DGKG: variants seen among roughly 807,000 people sequenced by gnomAD.
The protein encoded by DGKG is DAG kinase gamma.
A neutral mutation model predicts 105.3 loss-of-function variants in DGKG; 78 were observed. That is an observed-to-expected ratio of 0.74 (90% CI 0.62 to 0.89). The LOEUF is 0.89. Ranked by LOEUF, DGKG falls within the 40% of genes least tolerant of loss-of-function variation. DGKG has a pLI of 0.00. For synonymous variants in DGKG, 346 were observed against 367.1 expected, an observed-to-expected ratio of 0.94 and a Z score of 0.66; for missense variants, 958 against 1,020.1, an observed-to-expected ratio of 0.94 and a Z score of 0.83.
rs972259872 is a variant in DGKG at position 186,150,057 on chromosome 3, C to A, written c.*33G>T. On this transcript the variant is annotated 3_prime_UTR_variant, in exon 25 of 25. Coordinates refer to ENST00000265022, the MANE Select transcript of DGKG (RefSeq NM_001346.3). ...AGTGTGCATTATAGTTTCTTGCTTT[C>A]TCTCTTGGTTTAGCTGGTGTTTGGC... The A allele has an allele frequency of 2.5e-6, 4 of 1,593,912 alleles. No homozygotes were observed. The highest frequency in any genetic ancestry group is 1.4e-5 in the African/African-American group (1 of 73,608).
At chr3:186,263,421 G>T (rs1989341) in intron 14 of DGKG, among the ~76,000 whole-genome samples, 63,913 of 151,466 alleles carry the variant, frequency 0.42, 14,830 homozygotes, top group East Asian at 0.59. Flanking sequence ...ACAAAAATTA[G>T]CCGGGTGTAG....
In DGKG at chr3:186,284,841, C is replaced by G. The variant is rs1560133612; in HGVS notation, c.545-132G>C. 2 of 719,742 alleles carry G rather than the reference C, an allele frequency of 2.8e-6. No individual in the cohort carries two copies. The highest frequency in any genetic ancestry group is 4.8e-6 in the Non-Finnish European group (2 of 413,574). 44.6% of individuals were successfully genotyped at this position (719,742 alleles called of 1,614,324 possible). A position where few individuals can be genotyped will look rare whatever the true frequency, so the allele number is the denominator to read the frequency against. On this transcript the variant is annotated intron_variant, in intron 6 of 24. Transcript: ENST00000265022. This position sits in a 1 kb window ranked among gnomAD's most constrained non-coding sequence, Gnocchi z 4.0. ...AAGGTTATGGCAGCCAGCTCTCCCT[C>G]CCTCTGAGCACAGAGTCTGACTTCC...
intron 20 of DGKG, among the ~76,000 whole-genome samples, chr3:186,238,016 G>A (rs1720497041): frequency 1.3e-5 from 2 of 152,156 alleles, no homozygotes; most frequent in Admixed American, 6.5e-5. Flanking sequence ...AATTTGGCCA[G>A]GAGTGGTGGC....
intron 1 of DGKG, among the ~76,000 whole-genome samples, chr3:186,360,898 C>T (rs147919696): frequency 6.6e-6 from 1 of 152,250 alleles, no homozygotes; most frequent in Non-Finnish European, 1.5e-5. Context: ...CCCTCCCAGG[C>T]CCTCCTCCCC....
At chr3:186,223,433 C>A (rs958467129) in intron 20 of DGKG, among the ~76,000 whole-genome samples, 1 of 152,112 alleles carries the variant, frequency 6.6e-6, no homozygotes, top group Non-Finnish European at 1.5e-5. Flanking sequence ...TCCCCACCAT[C>A]GGCTGGTTAG....
chr3:186,335,780 G>C (rs915543675), intron 1 of DGKG, among the ~76,000 whole-genome samples: 3 of 152,062 alleles, frequency 2.0e-5, no homozygotes, highest in African/African-American at 7.2e-5. Context: ...AGTAATAACA[G>C]TATCACTTTC....
intron 5 of DGKG, among the ~76,000 whole-genome samples, chr3:186,292,759 G>A (rs886075677): frequency 2.0e-5 from 3 of 151,770 alleles, no homozygotes; most frequent in Non-Finnish European, 2.9e-5. Flanking sequence ...AGTGAACTGC[G>A]ATCGTGCCAC....
intron 4 of DGKG, 31 bp from the exon 5 acceptor site, chr3:186,297,514 A>G (rs3819859): frequency 0.58 from 891,748 of 1,528,430 alleles, 261,682 homozygotes; most frequent in Non-Finnish European, 0.6. Flanking sequence ...TTAAAGACCA[A>G]CCCAGGCCCT....
intron 24 of DGKG, chr3:186,161,068 A>G: frequency 1.0e-6 from 1 of 986,610 alleles, no homozygotes; most frequent in Non-Finnish European, 1.2e-6. Flanking sequence ...GGAATTTTCA[A>G]GTAGGTTATC....
chr3:186,162,345 G>A (rs1716335060), intron 23 of DGKG, among the ~76,000 whole-genome samples: 1 of 152,250 alleles, frequency 6.6e-6, no homozygotes, highest in African/African-American at 2.4e-5. Flanking sequence ...CACTGAGCAG[G>A]TGCTCCTCAA....
intron 8 of DGKG, 47 bp from the exon 9 acceptor site, chr3:186,280,020 G>A: frequency 1.2e-6 from 2 of 1,609,250 alleles, no homozygotes; most frequent in Non-Finnish European, 1.7e-6. Context: ...TCATCGACAT[G>A]TCTACCTGCC....
intron 1 of DGKG, among the ~76,000 whole-genome samples, chr3:186,357,673 A>G (rs980641553): frequency 6.6e-6 from 1 of 152,192 alleles, no homozygotes; most frequent in African/African-American, 2.4e-5. Flanking sequence ...TAATATTACC[A>G]CAACATTTAC....
intron 17 of DGKG, among the ~76,000 whole-genome samples, chr3:186,253,999 C>T (rs1235142799): frequency 6.6e-6 from 1 of 152,202 alleles, no homozygotes; most frequent in Non-Finnish European, 1.5e-5. Flanking sequence ...GACACAGATT[C>T]CTAATTATTC....
At position 186,176,497 on chromosome 3, in the gene DGKG, C is replaced by T. The variant is rs537281046; in HGVS notation, c.2096-11479G>A. Among the ~76,000 whole-genome samples the T allele has an allele frequency of 1.5e-3, 225 of 152,196 alleles. 1 individual carries two copies. Among genetic ancestry groups the T allele is most frequent in the Admixed American group, 3.1e-3 (48 of 15,286 alleles). The stretch of plus-strand genomic sequence containing the variant: ...GAAAGACAAAGTTGGAGGAGAGTCA[C>T]GACAGGGAGGGCCTTATTCTGGTGG... On this transcript the variant is annotated intron_variant, in intron 22 of 24. Transcript: ENST00000265022.
rs2108555167 is a variant in DGKG at position 186,244,815 on chromosome 3, G to T, written c.1762-2247C>A. 1.4e-5 allele frequency among the ~76,000 whole-genome samples: 2 copies of T among 148,084 alleles called. 1 individual carries two copies. The highest frequency in any genetic ancestry group is 1.3e-4 in the Admixed American group (2 of 15,172). The stretch of plus-strand genomic sequence containing the variant: ...CCCCAGAGAGGCCTCTGTCCCTGAG[G>T]CCTATCCAGCCTGCACCGCTTCCCT... On this transcript the variant is annotated intron_variant, in intron 19 of 24. Transcript: ENST00000265022.
intron 20 of DGKG, among the ~76,000 whole-genome samples, chr3:186,230,739 G>A (rs1720113679): frequency 6.6e-6 from 1 of 152,126 alleles, no homozygotes; most frequent in South Asian, 2.1e-4. Flanking sequence ...GGGACCAACT[G>A]GGAAGTGAGG....
At chr3:186,315,218 T>G (rs931783880) in intron 2 of DGKG, among the ~76,000 whole-genome samples, 2 of 152,222 alleles carry the variant, frequency 1.3e-5, no homozygotes, top group Admixed American at 1.3e-4. Flanking sequence ...GATTCCATCT[T>G]GGGCAGATTT....
intron 21 of DGKG, among the ~76,000 whole-genome samples, chr3:186,202,970 G>C (rs1359249473): frequency 6.6e-6 from 1 of 152,110 alleles, no homozygotes; most frequent in African/African-American, 2.4e-5. Context: ...AAGAACAAAA[G>C]AAATGGAAAA....
At position 186,288,802 on chromosome 3, in the gene DGKG, G is replaced by A. The variant is rs1358054415; in HGVS notation, c.452C>T (p.Ser151Phe). Residue 151 changes from serine to phenylalanine, a missense_variant, in exon 6 of 25, where the codon TCT (serine) becomes TTT (phenylalanine). By Grantham distance (155) the Ser-to-Phe change is radical. Coordinates refer to ENST00000265022, the MANE Select transcript of DGKG (RefSeq NM_001346.3). ...TACCACTGGGGATTCCGAGCTTGAA[G>A]ACCGAGGGACGGGGGGTTCCAGGGG... ...ATPLEPPVPR[S>F]SSSESPVVYL... 3 of 1,613,266 alleles carry A rather than the reference G, an allele frequency of 1.9e-6. No individual in the cohort carries two copies. The highest frequency in any genetic ancestry group is 2.5e-6 in the Non-Finnish European group (3 of 1,179,596).
Sources: allele counts gnomAD v4.1 joint callset (sites outside exome capture counted in the v4.1 genomes callset), GRCh38; gene constraint gnomAD v4.1.1; non-coding constraint Gnocchi (gnomAD v3.1); transcripts MANE v1.5; gene names NCBI Gene and HGNC (gene_info 2026-07-23, HGNC 2026-07-21).